Variants in CHD5 observed in about 807,000 individuals in gnomAD.
CHD5 encodes chromodomain helicase DNA binding protein 5.
In CHD5, 69 loss-of-function variants were observed where a neutral mutation model predicts 230.3. The observed-to-expected ratio is 0.30, with a 90% CI of 0.25 to 0.37. The LOEUF (loss-of-function observed/expected upper bound fraction) is 0.37, where lower values mean the gene tolerates loss of function less well. CHD5 is among the 10% of genes least tolerant of loss of function. The pLI is 1.00. For missense variants in CHD5, 1,827 were observed against 2,622.8 expected (o/e 0.70, Z 6.63); for synonymous variants, 1,064 against 1,065.9 (o/e 1.00, Z 0.03).
Position 6,130,565 on chromosome 1 carries a change from G to A in CHD5, c.3263-237C>T, listed in dbSNP as rs1234919334. Among the ~76,000 whole-genome samples, 3 of 152,148 alleles carry A rather than the reference G, an allele frequency of 2.0e-5. No individual in the cohort carries two copies. In the East Asian group the frequency reaches 5.8e-4, roughly 29 times the overall value. On this transcript the variant is annotated intron_variant, in intron 21 of 41. Coordinates refer to ENST00000262450, the MANE Select transcript of CHD5 (RefSeq NM_015557.3). This position sits in a 1 kb window ranked among gnomAD's most constrained non-coding sequence, Gnocchi z 4.9. ...CTCTGAGCCCTAGTGCAGTGGGAGG[G>A]CACTGGAACGAGGAGGTCAATTTTC...
chr1:6,124,069 G>C lies in CHD5; in HGVS notation c.4578C>G (p.Thr1526=), dbSNP rs776307336. The change falls in exon 31 of 42, where the codon ACC becomes ACG. Residue 1526 remains threonine (T), a synonymous_variant. Transcript: ENST00000262450. ...CGGGCCCCTCAGGGATCAAGTCTGG[G>C]GTGCTGTACTTCCCGTTGACATGCT... ...EFEHVNGKYS[T]PDLIPEGPEG... 1.2e-6 allele frequency: 2 copies of C among 1,612,936 alleles called. No individual in the cohort carries two copies. The highest frequency in any genetic ancestry group is 1.7e-6 in the Non-Finnish European group (2 of 1,179,666).
chr1:6,174,856 G>A (rs941536544), intron 1 of CHD5, among the ~76,000 whole-genome samples: 29 of 149,036 alleles, frequency 1.9e-4, no homozygotes, highest in African/African-American at 6.2e-4. Context: ...GATGAATGAC[G>A]GATGGATGGA....
intron 9 of CHD5, 132 bp downstream of exon 9, chr1:6,148,722 G>A (rs1666949567): frequency 1.6e-6 from 1 of 639,158 alleles, no homozygotes; most frequent in South Asian, 2.7e-5. Context: ...AAGCTTTGCG[G>A]GATCGGCTAC....
In CHD5 at chr1:6,126,981, T is replaced by G; in HGVS notation, c.3904-235A>C. The G allele has an allele frequency of 1.8e-6, 1 of 564,266 alleles. No individual in the cohort carries two copies. Among genetic ancestry groups the G allele is most frequent in the Non-Finnish European group, 3.2e-6 (1 of 314,644 alleles). The allele number at this position is 564,266 out of a possible 1,614,324, so 35.0% of individuals were successfully genotyped here. A position where few individuals can be genotyped will look rare whatever the true frequency, so the allele number is the denominator to read the frequency against. On this transcript the variant is annotated intron_variant, in intron 25 of 41. Transcript: ENST00000262450. This position sits in a 1 kb window ranked among gnomAD's most constrained non-coding sequence, Gnocchi z 5.7. ...ATCCATCCATTCACAAAGCAAGTAT[T>G]TCCTCGCCTCCTGTCAAGCACTGAG...
chr1:6,167,475 C>CA lies in CHD5; in HGVS notation c.207+674dup, dbSNP rs1465429922. 6.6e-6 allele frequency among the ~76,000 whole-genome samples: 1 copy of CA among 152,218 alleles called. No individual in the cohort carries two copies. Among genetic ancestry groups the CA allele is most frequent in the Non-Finnish European group, 1.5e-5 (1 of 68,038 alleles). ...ACCAAGTAGGAAGGACTTTAAGCTGCAAACCCACCTCAGTTTCCCCATCTG... is the reference window on the plus strand; with the variant it reads ...ACCAAGTAGGAAGGACTTTAAGCTGCAAAACCCACCTCAGTTTCCCCATCTG... On this transcript the variant is annotated intron_variant, in intron 2 of 41. Coordinates refer to ENST00000262450, the MANE Select transcript of CHD5 (RefSeq NM_015557.3). The surrounding 1 kb of genome is among the most constrained non-coding windows in gnomAD (Gnocchi z 4.5).
intron 34 of CHD5, among the ~76,000 whole-genome samples, 164 bp downstream of exon 34, chr1:6,112,745 T>C (rs1018719089): frequency 5.9e-5 from 9 of 152,152 alleles, no homozygotes; most frequent in African/African-American, 1.2e-4. Context: ...GTCCCCGGCA[T>C]TGGCTGTGAG....
At chr1:6,173,393 C>T (rs1201055386) in intron 1 of CHD5, among the ~76,000 whole-genome samples, 7 of 152,006 alleles carry the variant, frequency 4.6e-5, no homozygotes, top group South Asian at 2.1e-4. Context: ...CATGAGCCAC[C>T]GCGCCCGGCC....
rs1666147044 is a variant in CHD5 at position 6,105,441 on chromosome 1, A to G, written c.*47-14T>C. On this transcript the variant is annotated splice_polypyrimidine_tract_variant and intron_variant, in intron 41 of 41. Coordinates refer to ENST00000262450, the MANE Select transcript of CHD5 (RefSeq NM_015557.3). This position sits in a 1 kb window ranked among gnomAD's most constrained non-coding sequence, Gnocchi z 4.8. ...CGGCAGGCGTGGCTGCAAAACGCAA[A>G]TCAGTGGGTTAAGCAGGTGGGCAGT... The G allele has an allele frequency of 2.1e-6, 1 of 470,278 alleles. No homozygotes were observed. The highest frequency in any genetic ancestry group is 4.4e-6 in the Non-Finnish European group (1 of 226,846). The allele number at this position is 470,278 out of a possible 1,614,324, so 29.1% of individuals were successfully genotyped here. A position where few individuals can be genotyped will look rare whatever the true frequency, so the allele number is the denominator to read the frequency against.
chr1:6,154,907 G>T lies in CHD5; in HGVS notation c.507-9C>A. 1 of 1,611,112 alleles carries T rather than the reference G, an allele frequency of 6.2e-7. No homozygotes were observed. The highest frequency in any genetic ancestry group is 8.5e-7 in the Non-Finnish European group (1 of 1,178,302). On this transcript the variant is annotated splice_polypyrimidine_tract_variant and intron_variant, in intron 4 of 41. Coordinates refer to ENST00000262450, the MANE Select transcript of CHD5 (RefSeq NM_015557.3). The surrounding 1 kb of genome is among the most constrained non-coding windows in gnomAD (Gnocchi z 7.0). The stretch of plus-strand genomic sequence containing the variant: ...TCTTGGCAATGAGTGGCCTGTAGGG[G>T]GAGAGGCAGGAGGGTGAGGGCAAGG...
intron 15 of CHD5, 38 bp from the exon 16 acceptor site, chr1:6,136,903 G>A (rs771299858): frequency 1.3e-6 from 2 of 1,570,662 alleles, no homozygotes; most frequent in Non-Finnish European, 1.7e-6. Flanking sequence ...AGACGGCTGG[G>A]AGCAGAGCGG....
rs1323586565 is a variant in CHD5, at chr1:6,159,409, T to C, written c.314A>G (p.Asp105Gly). Reference protein sequence around the residue: ...PNKKKKKKLKDKKEKKAKRKK... With the variant: ...PNKKKKKKLKGKKEKKAKRKK... ...TCGCTTGGCTTTTTTCTCCTTCTTG[T>C]CCTTGAGTTTCTTCTTCTTCTTTTT... The change falls in exon 3 of 42, where the codon GAC becomes GGC. Residue 105 changes from aspartate (D) to glycine (G), a missense_variant. Asp to Gly is a moderately conservative substitution (Grantham distance 94, BLOSUM62 -1). Transcript: ENST00000262450. 2 of 1,557,616 alleles carry C rather than the reference T, an allele frequency of 1.3e-6. No homozygotes were observed. Among genetic ancestry groups the C allele is most frequent in the Non-Finnish European group, 8.7e-7 (1 of 1,148,900 alleles).
At chr1:6,108,995 A>T (rs1666242424) in intron 38 of CHD5, among the ~76,000 whole-genome samples, 1 of 151,932 alleles carries the variant, frequency 6.6e-6, no homozygotes, top group Admixed American at 6.5e-5. Flanking sequence ...GTATGACTGC[A>T]CTTGCCCAGA....
intron 33 of CHD5, 54 bp from the exon 34 acceptor site, chr1:6,113,052 G>A (rs1666318300): frequency 8.0e-7 from 1 of 1,242,564 alleles, no homozygotes; most frequent in African/African-American, 1.5e-5. Flanking sequence ...AAACACAGAG[G>A]ACTCTGGGCT....
chr1:6,113,725 G>T (rs1054088702), intron 33 of CHD5, among the ~76,000 whole-genome samples: 3 of 152,224 alleles, frequency 2.0e-5, no homozygotes, highest in African/African-American at 2.4e-5. Flanking sequence ...GAGTGAGATG[G>T]CCTGTCTCCA....
intron 15 of CHD5, among the ~76,000 whole-genome samples, chr1:6,140,178 G>A (rs140154242): frequency 0.023 from 3,556 of 152,168 alleles, 52 homozygotes; most frequent in Non-Finnish European, 0.034. Flanking sequence ...CGAGGTGGGC[G>A]GATCATGAGG....
intron 1 of CHD5, 96 bp downstream of exon 1, chr1:6,179,849 G>C (rs1325076131): frequency 2.0e-6 from 1 of 500,504 alleles, no homozygotes; most frequent in Non-Finnish European, 2.5e-6. Flanking sequence ...GCGCCAGCCC[G>C]GCCGCGCCGC....
Position 6,173,411 on chromosome 1 carries a change from G to T in CHD5, c.80-5134C>A, listed in dbSNP as rs542092768. On this transcript the variant is annotated intron_variant, in intron 1 of 41. Coordinates refer to ENST00000262450, the MANE Select transcript of CHD5 (RefSeq NM_015557.3). ...GAGCCACCGCGCCCGGCCGAGAGGG[G>T]CTATTTCTGTTCCCCACCTGGACTC... 2.0e-5 allele frequency among the ~76,000 whole-genome samples: 3 copies of T among 152,028 alleles called. No homozygotes were observed. In the South Asian group the frequency reaches 6.2e-4, roughly 32 times the overall value.
At chr1:6,143,730 T>C in intron 13 of CHD5, 93 bp downstream of exon 13, 4 of 1,156,856 alleles carry the variant, frequency 3.5e-6, no homozygotes, top group Non-Finnish European at 5.1e-6. Context: ...CAAGGAAACA[T>C]CCTTTTGAGA....
chr1:6,171,151 G>A (rs1394091546), intron 1 of CHD5, among the ~76,000 whole-genome samples: 4 of 152,254 alleles, frequency 2.6e-5, no homozygotes, highest in Non-Finnish European at 1.5e-5. Context: ...CAGAACGGAT[G>A]AGGGTATGCA....
Sources: gnomAD v4.1 joint callset for allele counts (sites outside exome capture counted in the v4.1 genomes callset) on GRCh38, gnomAD v4.1.1 for gene constraint, Gnocchi (gnomAD v3.1) non-coding constraint, MANE v1.5 for transcripts, NCBI Gene and HGNC (gene_info 2026-07-23, HGNC 2026-07-21) for gene names.